Variants in KCNK1 observed in about 807,000 individuals in gnomAD.
KCNK1 encodes potassium two pore domain channel subfamily K member 1.
Under a neutral mutation model 22.2 loss-of-function variants are expected in KCNK1, and 10 were observed. That is an observed-to-expected ratio of 0.45 (90% CI 0.28 to 0.76). KCNK1 has a LOEUF of 0.76. Ranked by LOEUF, KCNK1 falls within the 30% of genes least tolerant of loss-of-function variation. The probability of loss-of-function intolerance (pLI) is 0.14; values close to 1 mark genes in which losing one functional copy is unlikely to be tolerated. For missense variants in KCNK1, 378 were observed against 421.0 expected, an observed-to-expected ratio of 0.90 and a Z score of 0.89; for synonymous variants, 200 against 186.4, an observed-to-expected ratio of 1.07 and a Z score of -0.60.
chr1:233,651,226 C>T (rs1401049294), intron 1 of KCNK1, among the ~76,000 whole-genome samples: 1 of 152,130 alleles, frequency 6.6e-6, no homozygotes, highest in Non-Finnish European at 1.5e-5. Context: ...AAATCTAAAT[C>T]CTGAGTTGCC....
intron 1 of KCNK1, among the ~76,000 whole-genome samples, chr1:233,634,318 C>CAA (rs57277108): frequency 1.4e-4 from 19 of 140,402 alleles, no homozygotes; most frequent in South Asian, 4.6e-4. Flanking sequence ...ACAACAACAA[C>CAA]AAAAAAAAAA....
chr1:233,619,866 C>G (rs1029001840), intron 1 of KCNK1, among the ~76,000 whole-genome samples: 1 of 149,218 alleles, frequency 6.7e-6, no homozygotes, highest in Non-Finnish European at 1.5e-5. Context: ...GCCAAGATCA[C>G]GCCACTGCAC....
chr1:233,620,477 C>T (rs1657563206), intron 1 of KCNK1, among the ~76,000 whole-genome samples: 1 of 152,184 alleles, frequency 6.6e-6, no homozygotes. Flanking sequence ...ATTTCAGATG[C>T]CACTTACTTG....
chr1:233,640,877 G>A (rs10910232), intron 1 of KCNK1, among the ~76,000 whole-genome samples: 44,568 of 152,020 alleles, frequency 0.29, 8,062 homozygotes, highest in East Asian at 0.41. Context: ...ACTAATTGTT[G>A]TGTTTTTAGT....
At chr1:233,665,030 G>A (rs186796487) in intron 1 of KCNK1, among the ~76,000 whole-genome samples, 146 of 152,306 alleles carry the variant, frequency 9.6e-4, no homozygotes, top group African/African-American at 3.2e-3. Context: ...CTCTGTTGGC[G>A]TTGGTTGGAT....
At chr1:233,643,163 G>T (rs983633252) in intron 1 of KCNK1, among the ~76,000 whole-genome samples, 1 of 152,020 alleles carries the variant, frequency 6.6e-6, no homozygotes, top group Non-Finnish European at 1.5e-5. Context: ...CAGGTTTGAG[G>T]GGAGCTTGCT....
intron 1 of KCNK1, among the ~76,000 whole-genome samples, chr1:233,632,099 T>G (rs1011794641): frequency 6.6e-6 from 1 of 152,216 alleles, no homozygotes; most frequent in Non-Finnish European, 1.5e-5. Flanking sequence ...AACATTGCGT[T>G]GTCTTCTGCT....
chr1:233,664,682 T>C (rs1383027588), intron 1 of KCNK1, among the ~76,000 whole-genome samples: 3 of 152,220 alleles, frequency 2.0e-5, no homozygotes, highest in African/African-American at 7.2e-5. Context: ...GAACCCTGCC[T>C]CTGCCGTGGT....
chr1:233,672,467 A>T lies in KCNK1; in HGVS notation c.*937A>T, dbSNP rs1658620015. 6.6e-6 allele frequency: 1 copy of T among 151,462 alleles called. No homozygotes were observed. The highest frequency in any genetic ancestry group is 2.4e-5 in the African/African-American group (1 of 41,286). 9.4% of individuals were successfully genotyped at this position (151,462 alleles called of 1,614,324 possible). On this transcript the variant is annotated 3_prime_UTR_variant, in exon 3 of 3. Transcript: ENST00000366621. ...CAGATTATGTTACATTAATCTGAGA[A>T]TTTTAAATTTAGAAGCTAAAATAAA...
chr1:233,637,331 C>G (rs897403827), intron 1 of KCNK1: 1 of 152,000 alleles, frequency 6.6e-6, no homozygotes, highest in African/African-American at 2.4e-5. Flanking sequence ...GAGCTGGCAT[C>G]AGAAGCAGAA....
chr1:233,648,860 C>A (rs1163413651), intron 1 of KCNK1, among the ~76,000 whole-genome samples: 2 of 152,194 alleles, frequency 1.3e-5, no homozygotes, highest in South Asian at 2.1e-4. Flanking sequence ...AACCACCATG[C>A]CTGGCCAACA....
intron 1 of KCNK1, among the ~76,000 whole-genome samples, chr1:233,626,865 C>T (rs539019349): frequency 4.6e-5 from 7 of 152,024 alleles, no homozygotes; most frequent in African/African-American, 9.7e-5. Flanking sequence ...TTGATATAAT[C>T]GTTTAATAAA....
intron 1 of KCNK1, among the ~76,000 whole-genome samples, chr1:233,633,739 T>C (rs1468150716): frequency 6.6e-6 from 1 of 152,166 alleles, no homozygotes; most frequent in Non-Finnish European, 1.5e-5. Flanking sequence ...TTGGTTGTTG[T>C]TTGGGCTTGG....
chr1:233,621,511 T>C (rs701204), intron 1 of KCNK1, among the ~76,000 whole-genome samples: 20,709 of 152,196 alleles, frequency 0.14, 1,610 homozygotes, highest in East Asian at 0.21. Flanking sequence ...CTGAATGGGA[T>C]GTCATTGTTT....
intron 1 of KCNK1, among the ~76,000 whole-genome samples, chr1:233,635,556 T>A (rs1308197609): frequency 6.6e-6 from 1 of 152,168 alleles, no homozygotes; most frequent in Non-Finnish European, 1.5e-5. Flanking sequence ...TTATATATGA[T>A]TTGATTAATA....
chr1:233,614,150 C>CTTGACTTTGGCT lies in KCNK1; in HGVS notation c.-19_-18insACTTTGGCTTTG. ...GCTCCGGCCGGTCTGCGGCGTTGGCCTTGGCGGCGGCGGTGGAGAAGATGC... is the reference window on the plus strand; with the variant it reads ...GCTCCGGCCGGTCTGCGGCGTTGGCCTTGACTTTGGCTTTGGCGGCGGCGGTGGAGAAGATGC... On this transcript the variant is annotated 5_prime_UTR_variant, in exon 1 of 3. Transcript: ENST00000366621. The CTTGACTTTGGCT allele has an allele frequency of 6.5e-7, 1 of 1,537,808 alleles. No individual in the cohort carries two copies. The highest frequency in any genetic ancestry group is 8.7e-7 in the Non-Finnish European group (1 of 1,146,370).
chr1:233,669,656 G>A (rs1405486125), intron 2 of KCNK1, among the ~76,000 whole-genome samples: 1 of 152,060 alleles, frequency 6.6e-6, no homozygotes, highest in Non-Finnish European at 1.5e-5. Flanking sequence ...AGACCAACCT[G>A]GCCAATATGG....
At chr1:233,619,907 C>T (rs1457715448) in intron 1 of KCNK1, among the ~76,000 whole-genome samples, 1 of 66,702 alleles carries the variant, frequency 1.5e-5, no homozygotes, top group Non-Finnish European at 2.7e-5. Flanking sequence ...GAGACTCCTC[C>T]GTCTAAGCGA....
intron 1 of KCNK1, among the ~76,000 whole-genome samples, chr1:233,660,037 C>T (rs1033451136): frequency 6.6e-6 from 1 of 152,234 alleles, no homozygotes; most frequent in African/African-American, 2.4e-5. Flanking sequence ...TAAAAGAAAA[C>T]TCCTAACAGT....
Sources: gnomAD v4.1 joint callset for allele counts (sites outside exome capture counted in the v4.1 genomes callset) on GRCh38, gnomAD v4.1.1 for gene constraint, MANE v1.5 for transcripts, NCBI Gene and HGNC (gene_info 2026-07-23, HGNC 2026-07-21) for gene names.